LHFPL4: variants seen among roughly 807,000 people sequenced by gnomAD.
LHFPL4 encodes the protein LHFPL tetraspan subfamily member 4.
In LHFPL4, 6 loss-of-function variants were observed where a neutral mutation model predicts 20.0. The observed-to-expected ratio is 0.30, with a 90% CI of 0.16 to 0.59. The LOEUF (loss-of-function observed/expected upper bound fraction) is 0.59. Ranked by LOEUF, LHFPL4 falls within the 20% of genes least tolerant of loss-of-function variation. LHFPL4 has a pLI of 0.88. For missense variants in LHFPL4, 215 were observed against 331.2 expected (o/e 0.65, Z 2.72); for synonymous variants, 129 against 143.8 (o/e 0.90, Z 0.74).
intron 2 of LHFPL4, among the ~76,000 whole-genome samples, chr3:9,551,997 G>C (rs2046557995): frequency 6.6e-6 from 1 of 151,938 alleles, no homozygotes. Context: ...GACCCTTAGA[G>C]ACACTAACTT....
At chr3:9,510,604 C>A (rs923700200) in intron 2 of LHFPL4, among the ~76,000 whole-genome samples, 1 of 151,918 alleles carries the variant, frequency 6.6e-6, no homozygotes, top group Non-Finnish European at 1.5e-5. Context: ...TTAAGATGAA[C>A]AATGTTAATA....
chr3:9,508,669 GAGA>G (rs2046236742), intron 2 of LHFPL4, among the ~76,000 whole-genome samples: 1 of 152,204 alleles, frequency 6.6e-6, no homozygotes, highest in Non-Finnish European at 1.5e-5. Flanking sequence ...GGGGCCTGCG[GAGA>G]AGGCCTGGCC....
At position 9,499,323 on chromosome 3, in the gene LHFPL4, C is replaced by A. The variant is rs1559512299; in HGVS notation, c.*2888G>T. 6.5e-6 allele frequency: 1 copy of A among 152,686 alleles called. No individual in the cohort carries two copies. Among genetic ancestry groups the A allele is most frequent in the African/African-American group, 2.4e-5 (1 of 41,446 alleles). 9.5% of individuals were successfully genotyped at this position (152,686 alleles called of 1,614,324 possible). ...GGGCCCCCACTGGAGCACCTGCCACCTGCCCCATCCACACCTCTGCAGAAC... is the reference window on the plus strand; with the variant it reads ...GGGCCCCCACTGGAGCACCTGCCACATGCCCCATCCACACCTCTGCAGAAC... On this transcript the variant is annotated 3_prime_UTR_variant, in exon 4 of 4. Coordinates refer to ENST00000287585, the MANE Select transcript of LHFPL4 (RefSeq NM_198560.3).
chr3:9,513,021 G>A (rs764725425), intron 2 of LHFPL4, among the ~76,000 whole-genome samples: 1 of 152,228 alleles, frequency 6.6e-6, no homozygotes, highest in East Asian at 1.9e-4. Flanking sequence ...TGCAGTGGCC[G>A]CGATCTCGGC....
rs1299629531 is a variant in LHFPL4, at chr3:9,500,363, G to T, written c.*1848C>A. ...GGCCGACTGGACTGTCCGGGAAGGC[G>T]CCGGCGGGGAAGGGGAGCCCAGCGC... On this transcript the variant is annotated 3_prime_UTR_variant, in exon 4 of 4. Transcript: ENST00000287585. 1 of 152,320 alleles carries T rather than the reference G, an allele frequency of 6.6e-6. No homozygotes were observed. Among genetic ancestry groups the T allele is most frequent in the Non-Finnish European group, 1.5e-5 (1 of 68,140 alleles). The allele number at this position is 152,320 out of a possible 1,614,324, so 9.4% of individuals were successfully genotyped here.
At chr3:9,531,665 GT>G (rs2046409629) in intron 2 of LHFPL4, among the ~76,000 whole-genome samples, 1 of 152,166 alleles carries the variant, frequency 6.6e-6, no homozygotes, top group South Asian at 2.1e-4. Context: ...AGCCAGGTGT[GT>G]GGTGCGCACC....
At position 9,498,540 on chromosome 3, in the gene LHFPL4, A is replaced by T. The variant is rs1193030747; in HGVS notation, c.*3671T>A. The T allele has an allele frequency of 6.5e-6, 1 of 152,734 alleles. No individual in the cohort carries two copies. The highest frequency in any genetic ancestry group is 1.5e-5 in the Non-Finnish European group (1 of 68,096). 9.5% of individuals were successfully genotyped at this position (152,734 alleles called of 1,614,324 possible). The stretch of plus-strand genomic sequence containing the variant: ...ATAGACAACACCAAGCTATCCTAAC[A>T]GCACACAGCACAGGCCCTCGGAGGC... On this transcript the variant is annotated 3_prime_UTR_variant, in exon 4 of 4. Transcript: ENST00000287585.
Position 9,535,586 on chromosome 3 carries a change from A to G in LHFPL4, c.406+16688T>C, listed in dbSNP as rs547695327. On this transcript the variant is annotated intron_variant, in intron 2 of 3. Coordinates refer to ENST00000287585, the MANE Select transcript of LHFPL4 (RefSeq NM_198560.3). ...ATGATAATTTTTAAAAAGCAATAAA[A>G]CTCTTAGAAAAGGTGAGATATACAA... is the stretch of plus-strand genomic sequence containing the variant. Among the ~76,000 whole-genome samples the G allele has an allele frequency of 2.1e-5, 3 of 142,516 alleles. No individual in the cohort carries two copies. In the South Asian group the frequency reaches 6.6e-4, roughly 31 times the overall value. The allele number at this position is 142,516 out of a possible 152,430, so 93.5% of individuals were successfully genotyped here.
At chr3:9,543,243 T>C (rs2046488954) in intron 2 of LHFPL4, among the ~76,000 whole-genome samples, 1 of 151,834 alleles carries the variant, frequency 6.6e-6, no homozygotes, top group African/African-American at 2.4e-5. Flanking sequence ...GGCTCACGCC[T>C]GTAATCCCAG....
chr3:9,499,047 C>T lies in LHFPL4; in HGVS notation c.*3164G>A. 6.5e-6 allele frequency: 1 copy of T among 152,766 alleles called. No homozygotes were observed. Among genetic ancestry groups the T allele is most frequent in the Middle Eastern group, 3.3e-3 (1 of 302 alleles). The allele number at this position is 152,766 out of a possible 1,614,324, so 9.5% of individuals were successfully genotyped here. On this transcript the variant is annotated 3_prime_UTR_variant, in exon 4 of 4. Coordinates refer to ENST00000287585, the MANE Select transcript of LHFPL4 (RefSeq NM_198560.3). Reference sequence around the variant, plus strand: ...CCCAGATCAGGCAGAGAAAAGCGGGCAATGGCAGACCCCTGATCACAGTTA... The same window carrying T: ...CCCAGATCAGGCAGAGAAAAGCGGGTAATGGCAGACCCCTGATCACAGTTA...
At chr3:9,543,058 A>G (rs1191407398) in intron 2 of LHFPL4, among the ~76,000 whole-genome samples, 1 of 152,162 alleles carries the variant, frequency 6.6e-6, no homozygotes, top group African/African-American at 2.4e-5. Flanking sequence ...GTAATAGTTC[A>G]CTTGATATGG....
intron 2 of LHFPL4, among the ~76,000 whole-genome samples, chr3:9,509,246 C>T (rs990255535): frequency 1.8e-4 from 27 of 146,766 alleles, no homozygotes; most frequent in Non-Finnish European, 3.1e-4. Flanking sequence ...TTCGCACCCC[C>T]CTCTCTCTCT....
At chr3:9,537,083 C>T (rs2046448629) in intron 2 of LHFPL4, among the ~76,000 whole-genome samples, 1 of 152,006 alleles carries the variant, frequency 6.6e-6, no homozygotes, top group South Asian at 2.1e-4. Flanking sequence ...AAGACCCTGT[C>T]TCAAAAAAAA....
At chr3:9,513,836 C>T (rs1202613514) in intron 2 of LHFPL4, among the ~76,000 whole-genome samples, 1 of 152,164 alleles carries the variant, frequency 6.6e-6, no homozygotes, top group East Asian at 1.9e-4. Flanking sequence ...ACTGAGTGGT[C>T]ACCATCATCG....
intron 2 of LHFPL4, among the ~76,000 whole-genome samples, chr3:9,536,866 C>G (rs1325499007): frequency 6.6e-6 from 1 of 150,964 alleles, no homozygotes; most frequent in Non-Finnish European, 1.5e-5. Flanking sequence ...TTGCAGTGAG[C>G]TGAGATCGCG....
At chr3:9,515,930 C>T (rs548102952) in intron 2 of LHFPL4, among the ~76,000 whole-genome samples, 36 of 151,934 alleles carry the variant, frequency 2.4e-4, no homozygotes, top group Middle Eastern at 6.8e-3. Flanking sequence ...GGCCAGGCTA[C>T]TCTCAAACTC....
intron 2 of LHFPL4, among the ~76,000 whole-genome samples, chr3:9,517,792 G>A (rs1156928298): frequency 7.6e-6 from 1 of 131,010 alleles, no homozygotes; most frequent in Non-Finnish European, 1.7e-5. Flanking sequence ...TAGGAGGTTG[G>A]GTTTTTTTGT....
At chr3:9,520,302 A>G (rs2046329459) in intron 2 of LHFPL4, among the ~76,000 whole-genome samples, 1 of 152,122 alleles carries the variant, frequency 6.6e-6, no homozygotes, top group Non-Finnish European at 1.5e-5. Context: ...ATTTAAATAA[A>G]TAAATAAGTA....
At position 9,506,397 on chromosome 3, in the gene LHFPL4, T is replaced by C. The variant is rs570491405; in HGVS notation, c.407-194A>G. Among the ~76,000 whole-genome samples, 8 of 152,224 alleles carry C rather than the reference T, an allele frequency of 5.3e-5. No homozygotes were observed. In the South Asian group the frequency reaches 1.7e-3, roughly 32 times the overall value. Reference sequence around the variant, plus strand: ...AAGAGAGAGAGAAAGAGGTCTACGATGGGTAGCAGAAACTTTCTGGAACCC... The same window carrying C: ...AAGAGAGAGAGAAAGAGGTCTACGACGGGTAGCAGAAACTTTCTGGAACCC... On this transcript the variant is annotated intron_variant, in intron 2 of 3. Coordinates refer to ENST00000287585, the MANE Select transcript of LHFPL4 (RefSeq NM_198560.3). This position sits in a 1 kb window ranked among gnomAD's most constrained non-coding sequence, Gnocchi z 4.5.
Sources: gnomAD v4.1 joint callset for allele counts (sites outside exome capture counted in the v4.1 genomes callset) on GRCh38, gnomAD v4.1.1 for gene constraint, Gnocchi (gnomAD v3.1) non-coding constraint, MANE v1.5 for transcripts, NCBI Gene and HGNC (gene_info 2026-07-23, HGNC 2026-07-21) for gene names.